CILK1: variants seen among roughly 807,000 people sequenced by gnomAD.
The protein encoded by CILK1 is ciliogenesis associated kinase 1, also known as serine/threonine-protein kinase ICK.
A neutral mutation model predicts 79.2 loss-of-function variants in CILK1; 47 were observed. The ratio of observed to expected loss-of-function variants is 0.59; its 90% CI spans 0.47 to 0.76. CILK1 has a LOEUF of 0.76. CILK1 is among the 30% of genes least tolerant of loss of function. CILK1 has a pLI of 0.00. For synonymous variants in CILK1, 266 were observed against 275.9 expected (o/e 0.96, Z 0.36); for missense variants, 660 against 769.5 (o/e 0.86, Z 1.68).
chr6:53,032,524 A>C lies in CILK1; in HGVS notation c.278+9T>G. 6.3e-7 allele frequency: 1 copy of C among 1,590,184 alleles called. No individual in the cohort carries two copies. Among genetic ancestry groups the C allele is most frequent in the Non-Finnish European group, 8.6e-7 (1 of 1,165,842 alleles). On this transcript the variant is annotated intron_variant, in intron 4 of 13. Coordinates refer to ENST00000676107, the MANE Select transcript of CILK1 (RefSeq NM_014920.5). ...TTTCTATAATAAGATAATGATGACCAAACTGTACCTCTCTTTAATGAGCTG... is the reference window on the plus strand; with the variant it reads ...TTTCTATAATAAGATAATGATGACCCAACTGTACCTCTCTTTAATGAGCTG...
At chr6:53,041,655 C>T (rs1031602345) in intron 1 of CILK1, among the ~76,000 whole-genome samples, 3 of 152,164 alleles carry the variant, frequency 2.0e-5, no homozygotes, top group Admixed American at 6.5e-5. Flanking sequence ...ACTTGATTCC[C>T]GGCTGGGGCT....
chr6:53,016,180 T>C lies in CILK1; in HGVS notation c.734A>G (p.Asn245Ser), dbSNP rs1764882176. ...NFRWPQCVPN[N>S]LKTLIPNASS... ...AGCATTGGGAATCAAGGTCTTTAAG[T>C]TATTGGGTACACACTGTGGCCAACG... The change falls in exon 8 of 14, where the codon AAC becomes AGC. Residue 245 changes from asparagine to serine, a missense_variant. By Grantham distance (46) the Asn-to-Ser change is conservative (BLOSUM62 1). Transcript: ENST00000676107. 2 of 1,613,990 alleles carry C rather than the reference T, an allele frequency of 1.2e-6. No individual in the cohort carries two copies. Among genetic ancestry groups the C allele is most frequent in the South Asian group, 2.2e-5 (2 of 91,092 alleles).
chr6:53,057,612 T>A (rs1050221741), intron 1 of CILK1, among the ~76,000 whole-genome samples: 4 of 152,178 alleles, frequency 2.6e-5, no homozygotes, highest in African/African-American at 9.6e-5. Context: ...AGATAAAATA[T>A]AACTGAATGC....
chr6:53,019,390 A>C (rs941790488), intron 5 of CILK1, 31 bp from the exon 6 acceptor site: 2 of 1,613,096 alleles, frequency 1.2e-6, no homozygotes, highest in African/African-American at 2.7e-5. Flanking sequence ...AAGAAATCCA[A>C]ATGCAAGTTT....
At position 53,060,594 on chromosome 6, in the gene CILK1, T is replaced by C. The variant is rs371667299; in HGVS notation, c.-173+1002A>G. 6.6e-5 allele frequency among the ~76,000 whole-genome samples: 10 copies of C among 152,320 alleles called. No homozygotes were observed. The East Asian group carries it at 1.5e-3, about 23-fold the overall frequency. On this transcript the variant is annotated intron_variant, in intron 1 of 13. Transcript: ENST00000676107. ...TGTTTTACAAGTCCTGGTCCTCAAG[T>C]AGACAGGAAAGCCTTAAAGAGTCTT... is the stretch of plus-strand genomic sequence containing the variant.
At chr6:53,006,052 T>C (rs973756068) in intron 13 of CILK1, among the ~76,000 whole-genome samples, 1 of 152,186 alleles carries the variant, frequency 6.6e-6, no homozygotes, top group East Asian at 1.9e-4. Context: ...CTTTAGCTAC[T>C]CTATCTAAAA....
chr6:53,013,440 T>A (rs146943403), intron 9 of CILK1, among the ~76,000 whole-genome samples: 1 of 152,200 alleles, frequency 6.6e-6, no homozygotes, highest in Non-Finnish European at 1.5e-5. Context: ...CACTACCCTA[T>A]AGCTGCCTCC....
At chr6:53,039,458 G>A (rs1410598961) in intron 2 of CILK1, among the ~76,000 whole-genome samples, 1 of 152,232 alleles carries the variant, frequency 6.6e-6, no homozygotes, top group African/African-American at 2.4e-5. Context: ...TATTTGGGAG[G>A]TGATTCCAGG....
chr6:53,013,563 T>C (rs1764710321), intron 9 of CILK1, 99 bp downstream of exon 9: 5 of 1,126,608 alleles, frequency 4.4e-6, no homozygotes, highest in Non-Finnish European at 6.7e-6. Flanking sequence ...CTACCATAAC[T>C]GGACCCTGTA....
chr6:53,049,932 G>T (rs1366768234), intron 1 of CILK1, among the ~76,000 whole-genome samples: 3 of 152,052 alleles, frequency 2.0e-5, no homozygotes, highest in Non-Finnish European at 1.5e-5. Context: ...TGTTGCCCAG[G>T]TTGGTCTTGA....
chr6:53,012,025 C>G lies in CILK1; in HGVS notation c.1343+12G>C. ...GATTCAGTCTGTTTACAAATGTGAG[C>G]AGCACACTTGCCTGCAGAGAGTGTC... On this transcript the variant is annotated intron_variant, in intron 10 of 13. Transcript: ENST00000676107. 1 of 1,613,838 alleles carries G rather than the reference C, an allele frequency of 6.2e-7. No homozygotes were observed. Among genetic ancestry groups the G allele is most frequent in the Non-Finnish European group, 8.5e-7 (1 of 1,179,710 alleles).
intron 1 of CILK1, among the ~76,000 whole-genome samples, chr6:53,045,042 A>G (rs1416707950): frequency 6.6e-6 from 1 of 152,260 alleles, no homozygotes; most frequent in Non-Finnish European, 1.5e-5. Context: ...ATTATTATAG[A>G]TTAAAAATTT....
At chr6:53,018,253 G>A in intron 7 of CILK1, 77 bp downstream of exon 7, 3 of 1,404,474 alleles carry the variant, frequency 2.1e-6, no homozygotes, top group Non-Finnish European at 3.0e-6. Flanking sequence ...AATCATGCCA[G>A]TGCTGAACAG....
intron 5 of CILK1, among the ~76,000 whole-genome samples, chr6:53,028,869 T>G (rs912108460): frequency 1.3e-5 from 2 of 152,038 alleles, no homozygotes; most frequent in African/African-American, 4.8e-5. Flanking sequence ...TGTAGGCATA[T>G]ATGCATGTGG....
In CILK1 at chr6:53,011,851, C is replaced by T; in HGVS notation, c.1410G>A (p.Gln470=). 1 of 1,614,172 alleles carries T rather than the reference C, an allele frequency of 6.2e-7. No homozygotes were observed. The highest frequency in any genetic ancestry group is 1.7e-5 in the Admixed American group (1 of 60,022). ...GCGTGTCTCGCCGCTGATATGACGT[C>T]TGGGTGGGGGCACTGTTTCCTGTGC... is the stretch of plus-strand genomic sequence containing the variant. The part of the protein sequence containing the change: ...PVGTGNSAPT[Q]TSYQRRDTPT... Residue 470 remains glutamine, a synonymous_variant, in exon 11 of 14, where the codon CAG becomes CAA. Transcript: ENST00000676107.
intron 5 of CILK1, among the ~76,000 whole-genome samples, chr6:53,022,514 G>A (rs1765310852): frequency 6.6e-6 from 1 of 152,138 alleles, no homozygotes; most frequent in African/African-American, 2.4e-5. Flanking sequence ...CTATGTAATA[G>A]GCTATACCAT....
intron 5 of CILK1, among the ~76,000 whole-genome samples, chr6:53,019,814 TG>T (rs1440578065): frequency 6.7e-6 from 1 of 150,278 alleles, no homozygotes; most frequent in Non-Finnish European, 1.5e-5. Flanking sequence ...CAAACCATGG[TG>T]CCTGGCTAGT....
rs771723304 is a variant in CILK1, at chr6:53,016,200, C to A, written c.714G>T (p.Trp238Cys). 2 of 1,613,956 alleles carry A rather than the reference C, an allele frequency of 1.2e-6. No homozygotes were observed. Among genetic ancestry groups the A allele is most frequent in the African/African-American group, 2.7e-5 (2 of 74,910 alleles). The stretch of plus-strand genomic sequence containing the variant: ...TTAAGTTATTGGGTACACACTGTGG[C>A]CAACGGAAGTTCATTGCACTTGAAA... ...YQLSSAMNFR[W>C]PQCVPNNLKT... Residue 238 changes from tryptophan to cysteine, a missense_variant, in exon 8 of 14, where the codon TGG becomes TGT. By Grantham distance (215) the Trp-to-Cys change is radical. Transcript: ENST00000676107.
At chr6:53,035,628 C>T (rs1312906929) in intron 3 of CILK1, among the ~76,000 whole-genome samples, 1 of 152,018 alleles carries the variant, frequency 6.6e-6, no homozygotes, top group Non-Finnish European at 1.5e-5. Context: ...GGCAGACATG[C>T]AAATGTACAG....
Sources: allele counts gnomAD v4.1 joint callset (sites outside exome capture counted in the v4.1 genomes callset), GRCh38; gene constraint gnomAD v4.1.1; transcripts MANE v1.5; gene names NCBI Gene and HGNC (gene_info 2026-07-23, HGNC 2026-07-21).